Variants in PRDM2 observed in about 807,000 individuals in gnomAD.
The protein encoded by PRDM2 is PR/SET domain 2, also known as PR domain zinc finger protein 2.
Under a neutral mutation model 130.0 loss-of-function variants are expected in PRDM2, and 30 were observed. The ratio of observed to expected loss-of-function variants is 0.23; its 90% CI spans 0.17 to 0.31. The LOEUF is 0.31. Among genes scored for constraint, PRDM2 ranks in the 10% least tolerant of loss-of-function variants. The pLI is 1.00. For synonymous variants in PRDM2, 871 were observed against 782.4 expected (o/e 1.11, Z -1.89); for missense variants, 2,011 against 2,108.4 (o/e 0.95, Z 0.90).
At chr1:13,720,772 A>T (rs1460263636) in intron 2 of PRDM2, among the ~76,000 whole-genome samples, 1 of 152,216 alleles carries the variant, frequency 6.6e-6, no homozygotes, top group East Asian at 1.9e-4. Flanking sequence ...AGTGAATACA[A>T]TCGGAAATAT....
At chr1:13,808,671 T>C (rs185267801) in intron 8 of PRDM2, among the ~76,000 whole-genome samples, 14 of 152,292 alleles carry the variant, frequency 9.2e-5, no homozygotes, top group African/African-American at 3.4e-4. Flanking sequence ...TCACAGAGTC[T>C]TGAATTGCTC....
rs1644589229 is a variant in PRDM2, at chr1:13,780,685, C to T, written c.2890C>T (p.Leu964Phe). ...PSLSSGQLPP[L>F]LIPTDPSSPP... ...CCTTTCATCCGGTCAGCTGCCTCCTCTCTTGATCCCCACAGATCCCTCTTC... is the reference window on the plus strand; with the variant it reads ...CCTTTCATCCGGTCAGCTGCCTCCTTTCTTGATCCCCACAGATCCCTCTTC... Residue 964 changes from leucine to phenylalanine, a missense_variant, in exon 8 of 10, where the codon CTC (leucine) becomes TTC (phenylalanine). By Grantham distance (22) the Leu-to-Phe change is conservative. Around this residue, in one of 5 missense-constraint regions of PRDM2, gnomAD observed 1,288 missense variants for 1,237.7 expected, o/e 1.04. Coordinates refer to ENST00000311066, the MANE Select transcript of PRDM2 (RefSeq NM_001393986.1). 6.2e-7 allele frequency: 1 copy of T among 1,610,038 alleles called. No individual in the cohort carries two copies. The highest frequency in any genetic ancestry group is 8.5e-7 in the Non-Finnish European group (1 of 1,177,790).
chr1:13,717,003 A>G (rs1257365732), intron 2 of PRDM2, among the ~76,000 whole-genome samples: 1 of 152,182 alleles, frequency 6.6e-6, no homozygotes, highest in Non-Finnish European at 1.5e-5. Context: ...TAGCTGGGCC[A>G]AGTTTAATAC....
At chr1:13,760,933 G>A (rs759733227) in intron 6 of PRDM2, among the ~76,000 whole-genome samples, 4 of 151,998 alleles carry the variant, frequency 2.6e-5, no homozygotes, top group Non-Finnish European at 5.9e-5. Flanking sequence ...CTTTTGCATC[G>A]TGGAGTGAAT....
At chr1:13,820,784 G>C (rs769831274) in intron 9 of PRDM2, among the ~76,000 whole-genome samples, 1 of 152,086 alleles carries the variant, frequency 6.6e-6, no homozygotes, top group African/African-American at 2.4e-5. Flanking sequence ...CTGCCCTCTC[G>C]GTGGGGGACT....
intron 6 of PRDM2, among the ~76,000 whole-genome samples, chr1:13,757,666 T>A (rs1303409618): frequency 6.6e-6 from 1 of 152,248 alleles, no homozygotes; most frequent in African/African-American, 2.4e-5. Flanking sequence ...AATTCTGATT[T>A]GTTTGTGGAT....
intron 9 of PRDM2, among the ~76,000 whole-genome samples, chr1:13,817,857 G>A (rs764121553): frequency 2.6e-5 from 4 of 152,022 alleles, no homozygotes; most frequent in Admixed American, 6.6e-5. Context: ...AAAATTAGCC[G>A]GGCATGGTGG....
At chr1:13,748,217 TAATA>T (rs1158337513) in intron 5 of PRDM2, among the ~76,000 whole-genome samples, 1 of 152,244 alleles carries the variant, frequency 6.6e-6, no homozygotes, top group Non-Finnish European at 1.5e-5. Flanking sequence ...CTTTTGTAAT[TAATA>T]AATATTTTAT....
intron 8 of PRDM2, among the ~76,000 whole-genome samples, chr1:13,812,626 G>A (rs1323181865): frequency 6.6e-6 from 1 of 152,182 alleles, no homozygotes; most frequent in African/African-American, 2.4e-5. Context: ...TCCAAGTGGA[G>A]GGGCCCGGCA....
chr1:13,718,184 A>T (rs1642607314), intron 2 of PRDM2, among the ~76,000 whole-genome samples: 1 of 152,248 alleles, frequency 6.6e-6, no homozygotes, highest in Non-Finnish European at 1.5e-5. Context: ...CTTGAAGAAG[A>T]TTGACTTATA....
At chr1:13,741,630 A>G (rs902593560) in intron 4 of PRDM2, among the ~76,000 whole-genome samples, 1 of 151,678 alleles carries the variant, frequency 6.6e-6, no homozygotes, top group African/African-American at 2.4e-5. Context: ...TCTAAGTCAC[A>G]CTTTACAGAG....
chr1:13,723,026 A>AT (rs1452813764), intron 2 of PRDM2, among the ~76,000 whole-genome samples: 1 of 151,958 alleles, frequency 6.6e-6, no homozygotes, highest in African/African-American at 2.4e-5. Context: ...TTGGTTTTGC[A>AT]TGTTCCAGTG....
chr1:13,714,533 T>G (rs1016339099), intron 1 of PRDM2, among the ~76,000 whole-genome samples: 3 of 152,086 alleles, frequency 2.0e-5, no homozygotes, highest in African/African-American at 7.2e-5. Context: ...AGTGGTTAAA[T>G]AGATCAAGAA....
At chr1:13,749,297 G>C (rs956409674) in intron 5 of PRDM2, 64 bp from the exon 6 acceptor site, 1 of 1,307,336 alleles carries the variant, frequency 7.6e-7, no homozygotes, top group South Asian at 1.5e-5. Flanking sequence ...CCCGGTGCGC[G>C]CCCCGCCCCC....
intron 6 of PRDM2, among the ~76,000 whole-genome samples, chr1:13,766,004 G>T (rs186814572): frequency 6.6e-6 from 1 of 152,304 alleles, no homozygotes; most frequent in Admixed American, 6.5e-5. Context: ...TGTCACGAAA[G>T]ACACCTTTGA....
intron 2 of PRDM2, among the ~76,000 whole-genome samples, chr1:13,728,578 A>G (rs1482305640): frequency 6.6e-6 from 1 of 152,170 alleles, no homozygotes; most frequent in Non-Finnish European, 1.5e-5. Context: ...GCTCTGTTGT[A>G]GTTTGGTCTT....
intron 4 of PRDM2, among the ~76,000 whole-genome samples, chr1:13,737,531 A>G (rs534132246): frequency 6.6e-6 from 1 of 151,938 alleles, no homozygotes; most frequent in Non-Finnish European, 1.5e-5. Flanking sequence ...GTAGGAGTGA[A>G]TGTGGTGATG....
At chr1:13,820,369 G>T (rs1354443202) in intron 9 of PRDM2, among the ~76,000 whole-genome samples, 1 of 152,176 alleles carries the variant, frequency 6.6e-6, no homozygotes, top group African/African-American at 2.4e-5. Context: ...AGCCTCTGTG[G>T]CACCCTCTTT....
chr1:13,773,008 CAT>C (rs1312186913), intron 6 of PRDM2, 68 bp from the exon 7 acceptor site: 10 of 858,414 alleles, frequency 1.2e-5, no homozygotes, highest in South Asian at 4.0e-5. Flanking sequence ...CAGAATAACA[CAT>C]GAGGGAATGA....
Sources: allele counts gnomAD v4.1 joint callset (sites outside exome capture counted in the v4.1 genomes callset), GRCh38; gene constraint gnomAD v4.1.1; regional missense constraint gnomAD v4.1.1; transcripts MANE v1.5; gene names NCBI Gene and HGNC (gene_info 2026-07-23, HGNC 2026-07-21).